The following MEGF11 variants were observed in gnomAD, a reference collection of about 807,000 sequenced individuals.
MEGF11 encodes multiple epidermal growth factor-like domains protein 11.
In MEGF11, 126 loss-of-function variants were observed where a neutral mutation model predicts 146.6. The ratio of observed to expected loss-of-function variants is 0.86; its 90% CI spans 0.74 to 1.00. The LOEUF is 1.00. MEGF11 is among the 50% of genes least tolerant of loss of function. The probability of loss-of-function intolerance (pLI) is 0.00; values close to 1 mark genes in which losing one functional copy is unlikely to be tolerated. For missense variants in MEGF11, 1,509 were observed against 1,521.2 expected, an observed-to-expected ratio of 0.99 and a Z score of 0.13; for synonymous variants, 532 against 583.4, an observed-to-expected ratio of 0.91 and a Z score of 1.27.
At chr15:65,952,085 A>T (rs1354709667) in intron 10 of MEGF11, among the ~76,000 whole-genome samples, 1 of 152,186 alleles carries the variant, frequency 6.6e-6, no homozygotes, top group Non-Finnish European at 1.5e-5. Context: ...TTCTATTATT[A>T]GTTATTACTG....
Position 65,898,910 on chromosome 15 carries a change from C to G in MEGF11, c.3080G>C (p.Ser1027Thr), listed in dbSNP as rs907804687. 6.2e-7 allele frequency: 1 copy of G among 1,613,914 alleles called. No individual in the cohort carries two copies. Among genetic ancestry groups the G allele is most frequent in the Admixed American group, 1.7e-5 (1 of 60,022 alleles). ...FKDYMKESVCSSSTCSLNSSE... is the reference protein window; with the variant it reads ...FKDYMKESVCTSSTCSLNSSE... Reference sequence around the variant, plus strand: ...GCTATTCAAGGAACAAGTACTAGAACTGCACACGGATTCTTTCATGTAATC... The same window carrying G: ...GCTATTCAAGGAACAAGTACTAGAAGTGCACACGGATTCTTTCATGTAATC... The change falls in exon 25 of 26, where the codon AGT becomes ACT. Residue 1027 changes from serine (S) to threonine (T), a missense_variant. Ser to Thr is a moderately conservative substitution (Grantham distance 58). Coordinates refer to ENST00000395614, the MANE Select transcript of MEGF11 (RefSeq NM_001385028.1).
chr15:66,216,761 A>C (rs1472805840), intron 1 of MEGF11, among the ~76,000 whole-genome samples: 1 of 152,158 alleles, frequency 6.6e-6, no homozygotes, highest in Non-Finnish European at 1.5e-5. Flanking sequence ...AAGGAGGAGG[A>C]GGGATATGTT....
chr15:65,980,395 C>CTTTTTTTTTTTTTT (rs60154748), intron 7 of MEGF11, among the ~76,000 whole-genome samples: 7 of 88,196 alleles, frequency 7.9e-5, no homozygotes, highest in African/African-American at 3.5e-4. Flanking sequence ...AAGAATTCAG[C>CTTTTTTTTTTTTTT]TTTTTTTTTT....
chr15:66,156,521 G>C lies in MEGF11; in HGVS notation c.-8-28110C>G, dbSNP rs148376643. The stretch of plus-strand genomic sequence containing the variant: ...GGGATCCAGTGGTGGCCCTGTGCTC[G>C]GCCACCACTCCCTGTGTCAGGACAC... On this transcript the variant is annotated intron_variant, in intron 1 of 25. Transcript: ENST00000395614. Among the ~76,000 whole-genome samples the C allele has an allele frequency of 2.0e-5, 3 of 151,950 alleles. No individual in the cohort carries two copies. The Middle Eastern group carries it at 0.01, about 517-fold the overall frequency.
intron 2 of MEGF11, among the ~76,000 whole-genome samples, chr15:66,127,993 A>T (rs72744444): frequency 0.22 from 34,109 of 152,180 alleles, 4,080 homozygotes; most frequent in Non-Finnish European, 0.27. Flanking sequence ...ACTGCACCCC[A>T]TCTGGCTGTG....
At chr15:66,232,644 C>G (rs1334789699) in intron 1 of MEGF11, among the ~76,000 whole-genome samples, 1 of 152,194 alleles carries the variant, frequency 6.6e-6, no homozygotes, top group Non-Finnish European at 1.5e-5. Context: ...TCTGCTTCAT[C>G]ATACCACCCC....
At position 66,133,580 on chromosome 15, in the gene MEGF11, G is replaced by C. The variant is rs576988230; in HGVS notation, c.-8-5169C>G. Among the ~76,000 whole-genome samples the C allele has an allele frequency of 5.9e-5, 9 of 152,202 alleles. 1 individual carries two copies. The South Asian group carries it at 1.9e-3, about 32-fold the overall frequency. On this transcript the variant is annotated intron_variant, in intron 1 of 25. Transcript: ENST00000395614. ...AGTGGCCTTCCCCTTCCTCTGCCCT[G>C]GCTCTCTCAGCTGGCTCCCAGTCCC... is the stretch of plus-strand genomic sequence containing the variant.
At chr15:66,127,740 G>A (rs2088432206) in intron 2 of MEGF11, among the ~76,000 whole-genome samples, 1 of 152,070 alleles carries the variant, frequency 6.6e-6, no homozygotes, top group African/African-American at 2.4e-5. Context: ...ATTCCCCCAG[G>A]ACCTAGCGCC....
At chr15:65,906,227 TC>T (rs918788324) in intron 23 of MEGF11, 86 bp from the exon 24 acceptor site, 601 of 940,434 alleles carry the variant, frequency 6.4e-4, no homozygotes, top group East Asian at 7.8e-4. Context: ...TTCTTGCTTT[TC>T]CCCCCCCTTC....
At chr15:65,971,525 T>C (rs116346821) in intron 7 of MEGF11, among the ~76,000 whole-genome samples, 240 of 152,230 alleles carry the variant, frequency 1.6e-3, no homozygotes, top group African/African-American at 5.3e-3. Context: ...CAGGCACAGA[T>C]GAAGGTGGGG....
intron 1 of MEGF11, among the ~76,000 whole-genome samples, chr15:66,203,752 G>T (rs2091229101): frequency 6.6e-6 from 1 of 152,210 alleles, no homozygotes; most frequent in Non-Finnish European, 1.5e-5. Flanking sequence ...ATGCAATAAT[G>T]AATAGCTATA....
chr15:65,903,084 G>A (rs987906177), intron 24 of MEGF11, among the ~76,000 whole-genome samples: 7 of 152,172 alleles, frequency 4.6e-5, no homozygotes, highest in Admixed American at 3.9e-4. Flanking sequence ...TCCTTCTCTT[G>A]ATTGAGAGAT....
rs554431279 is a variant in MEGF11, at chr15:66,126,282, GAGA to G, written c.98+2021_98+2023del. ...ACAATGGAGCTCAGCTGGAAAGACT[GAGA>G]AGAAGAAAGCACCTGGTGTCACCAG... On this transcript the variant is annotated intron_variant, in intron 2 of 25. Coordinates refer to ENST00000395614, the MANE Select transcript of MEGF11 (RefSeq NM_001385028.1). 1.2e-4 allele frequency among the ~76,000 whole-genome samples: 19 copies of G among 152,324 alleles called. 1 individual carries two copies. The South Asian group carries it at 3.1e-3, about 25-fold the overall frequency.
chr15:65,943,759 G>A (rs1028017818), intron 10 of MEGF11, among the ~76,000 whole-genome samples: 3 of 152,170 alleles, frequency 2.0e-5, no homozygotes, highest in Admixed American at 1.3e-4. Context: ...GCTGATCCTG[G>A]CCATGAAGCC....
chr15:66,058,721 G>A lies in MEGF11; in HGVS notation c.394+35681C>T, dbSNP rs141582744. Among the ~76,000 whole-genome samples, 228 of 152,220 alleles carry A rather than the reference G, an allele frequency of 1.5e-3. 1 individual carries two copies. Among genetic ancestry groups the A allele is most frequent in the Admixed American group, 4.0e-3 (61 of 15,294 alleles). The stretch of plus-strand genomic sequence containing the variant: ...TCACTTCATGCTATCCTCCCTCTTC[G>A]GGGTGGCCCTATTCCAGTGCATCCT... On this transcript the variant is annotated intron_variant, in intron 5 of 25. Coordinates refer to ENST00000395614, the MANE Select transcript of MEGF11 (RefSeq NM_001385028.1).
chr15:65,961,668 A>G (rs1383231903), intron 9 of MEGF11, among the ~76,000 whole-genome samples: 1 of 152,222 alleles, frequency 6.6e-6, no homozygotes, highest in African/African-American at 2.4e-5. Flanking sequence ...CATGGATTCA[A>G]TCTCTGTGCA....
chr15:66,122,245 C>T (rs537668800), intron 3 of MEGF11, among the ~76,000 whole-genome samples: 31 of 143,310 alleles, frequency 2.2e-4, no homozygotes, highest in African/African-American at 8.1e-4. Flanking sequence ...GCCTGGGCAA[C>T]AGAGTGCGAT....
At chr15:65,957,812 G>T (rs2080713156) in intron 9 of MEGF11, 91 bp from the exon 10 acceptor site, 3 of 1,285,868 alleles carry the variant, frequency 2.3e-6, no homozygotes, top group Non-Finnish European at 3.3e-6. Context: ...GGCTTGCCTA[G>T]GGTAGCAGGA....
At chr15:66,122,402 A>G (rs576550445) in intron 3 of MEGF11, among the ~76,000 whole-genome samples, 57 of 152,370 alleles carry the variant, frequency 3.7e-4, no homozygotes, top group African/African-American at 1.3e-3. Flanking sequence ...GCCAGTTAGT[A>G]GCAAAACCTC....
Sources: allele counts gnomAD v4.1 joint callset (sites outside exome capture counted in the v4.1 genomes callset), GRCh38; gene constraint gnomAD v4.1.1; transcripts MANE v1.5; gene names NCBI Gene and HGNC (gene_info 2026-07-23, HGNC 2026-07-21).